Variants in NCKAP5 observed in about 807,000 individuals in gnomAD.
NCKAP5 encodes the protein nck-associated protein 5.
NCKAP5 carries 92 observed loss-of-function variants against 167.0 expected under a neutral mutation model. The observed-to-expected ratio is 0.55, with a 90% CI of 0.47 to 0.66. The LOEUF is 0.66. Among genes scored for constraint, NCKAP5 ranks in the 30% least tolerant of loss-of-function variants. The probability of loss-of-function intolerance (pLI) is 0.00; values close to 1 mark genes in which losing one functional copy is unlikely to be tolerated. For missense variants in NCKAP5, 2,378 were observed against 2,315.0 expected (o/e 1.03, Z -0.56); for synonymous variants, 891 against 877.4 (o/e 1.02, Z -0.27).
chr2:133,072,369 A>ACATCTC (rs549232021), intron 6 of NCKAP5, among the ~76,000 whole-genome samples: 1 of 151,848 alleles, frequency 6.6e-6, no homozygotes, highest in Non-Finnish European at 1.5e-5. Flanking sequence ...ATTTCCTCCA[A>ACATCTC]CATCTCACCT....
the NCKAP5 span, among the ~76,000 whole-genome samples, chr2:133,636,518 C>T: frequency 6.6e-6 from 1 of 152,176 alleles, no homozygotes; most frequent in African/African-American, 2.4e-5. Flanking sequence ...TTCAGACCAG[C>T]GATAAGGGCA....
chr2:133,594,739 C>A, the NCKAP5 span, among the ~76,000 whole-genome samples: 1 of 152,084 alleles, frequency 6.6e-6, no homozygotes, highest in South Asian at 2.1e-4. Context: ...CTAAAAGAAA[C>A]TTTGATACAA....
intron 4 of NCKAP5, among the ~76,000 whole-genome samples, chr2:133,277,729 T>G (rs74715383): frequency 0.049 from 7,409 of 152,114 alleles, 275 homozygotes; most frequent in South Asian, 0.098. Flanking sequence ...GAAAATAAAG[T>G]ATACAGTAAA....
chr2:133,558,506 A>T (rs993589697), intron 2 of NCKAP5, among the ~76,000 whole-genome samples: 2 of 151,848 alleles, frequency 1.3e-5, no homozygotes, highest in Non-Finnish European at 2.9e-5. Flanking sequence ...AGGACTACAG[A>T]AAAAGGGTAT....
chr2:132,687,742 CA>C (rs1412450829), intron 19 of NCKAP5, among the ~76,000 whole-genome samples: 7 of 151,424 alleles, frequency 4.6e-5, no homozygotes, highest in African/African-American at 1.7e-4. Flanking sequence ...CACACACACA[CA>C]CACACACACA....
intron 2 of NCKAP5, among the ~76,000 whole-genome samples, chr2:133,517,823 G>T (rs1684137986): frequency 6.6e-6 from 1 of 152,164 alleles, no homozygotes; most frequent in East Asian, 1.9e-4. Context: ...GAATGGGTTT[G>T]CAGGTTGAAT....
intron 6 of NCKAP5, among the ~76,000 whole-genome samples, chr2:133,024,307 C>A (rs1435174901): frequency 1.3e-5 from 2 of 152,128 alleles, no homozygotes; most frequent in Non-Finnish European, 2.9e-5. Flanking sequence ...TTTTAGTAGA[C>A]TATAAGCTAA....
At chr2:133,584,785 G>T in the NCKAP5 span, among the ~76,000 whole-genome samples, 21 of 152,024 alleles carry the variant, frequency 1.4e-4, no homozygotes, top group South Asian at 4.0e-3. Flanking sequence ...TAAAATTAAG[G>T]CAGGGAATGG....
the NCKAP5 span, among the ~76,000 whole-genome samples, chr2:133,622,838 T>C: frequency 7.3e-3 from 1,115 of 152,224 alleles, 14 homozygotes; most frequent in African/African-American, 0.025. Flanking sequence ...AGAGCCCACA[T>C]AGCCAAAGCA....
chr2:132,769,832 T>C (rs1386249955), intron 16 of NCKAP5, among the ~76,000 whole-genome samples: 5 of 152,196 alleles, frequency 3.3e-5, no homozygotes, highest in African/African-American at 1.2e-4. Flanking sequence ...CCTTATACTT[T>C]TGTCTTAAAG....
intron 6 of NCKAP5, among the ~76,000 whole-genome samples, chr2:133,109,990 G>C (rs147402335): frequency 1.6e-3 from 244 of 152,240 alleles, no homozygotes; most frequent in African/African-American, 5.7e-3. Context: ...ATACAAGAAG[G>C]CTTCAGAGAA....
At chr2:133,217,284 A>G (rs1192382257) in intron 4 of NCKAP5, among the ~76,000 whole-genome samples, 3 of 152,072 alleles carry the variant, frequency 2.0e-5, no homozygotes, top group Non-Finnish European at 2.9e-5. Flanking sequence ...TTGCTGAATA[A>G]TCACAAAGTG....
At chr2:133,464,977 AC>A (rs1245543481) in intron 3 of NCKAP5, among the ~76,000 whole-genome samples, 2 of 151,564 alleles carry the variant, frequency 1.3e-5, no homozygotes, top group Non-Finnish European at 2.9e-5. Context: ...ATATGTAAAT[AC>A]ACAGAATAGT....
intron 11 of NCKAP5, among the ~76,000 whole-genome samples, chr2:132,812,458 T>C (rs1168997027): frequency 2.0e-5 from 3 of 152,164 alleles, no homozygotes; most frequent in Non-Finnish European, 4.4e-5. Context: ...GGACTGCCCC[T>C]ATGGCACCTC....
At chr2:132,906,940 C>T (rs1558926654) in intron 8 of NCKAP5, among the ~76,000 whole-genome samples, 1 of 152,140 alleles carries the variant, frequency 6.6e-6, no homozygotes, top group Non-Finnish European at 1.5e-5. Flanking sequence ...TCTTTCTTGA[C>T]ACGTTTTACT....
chr2:133,532,735 T>C (rs1685464630), intron 2 of NCKAP5, among the ~76,000 whole-genome samples: 1 of 152,182 alleles, frequency 6.6e-6, no homozygotes, highest in Admixed American at 6.5e-5. Flanking sequence ...CAGAATTCTT[T>C]AATTTTTCCC....
chr2:133,232,476 G>A (rs964861963), intron 4 of NCKAP5, among the ~76,000 whole-genome samples: 1 of 152,102 alleles, frequency 6.6e-6, no homozygotes, highest in Non-Finnish European at 1.5e-5. Context: ...AAAGGTCAAA[G>A]GGAAAACAAC....
At chr2:132,867,951 A>C (rs1327919918) in intron 10 of NCKAP5, among the ~76,000 whole-genome samples, 3 of 152,192 alleles carry the variant, frequency 2.0e-5, no homozygotes, top group African/African-American at 7.2e-5. Flanking sequence ...AGGAACTGTG[A>C]CATTTTGACA....
At chr2:132,837,894 A>G (rs867614798) in intron 11 of NCKAP5, among the ~76,000 whole-genome samples, 2 of 152,080 alleles carry the variant, frequency 1.3e-5, no homozygotes, top group African/African-American at 4.8e-5. Flanking sequence ...CAATCCCCAC[A>G]GGCTGAGAGC....
Sources: gnomAD v4.1 joint callset for allele counts (sites outside exome capture counted in the v4.1 genomes callset) on GRCh38, gnomAD v4.1.1 for gene constraint, MANE v1.5 for transcripts, NCBI Gene and HGNC (gene_info 2026-07-23, HGNC 2026-07-21) for gene names.